THSD7A: variants seen among roughly 807,000 people sequenced by gnomAD.
THSD7A encodes the protein thrombospondin type 1 domain containing 7A, also known as thrombospondin type-1 domain-containing protein 7A.
Under a neutral mutation model 231.3 loss-of-function variants are expected in THSD7A, and 96 were observed. The observed-to-expected ratio is 0.41, with a 90% confidence interval of 0.35 to 0.49. The LOEUF is 0.49. Ranked by LOEUF, THSD7A falls within the 20% of genes least tolerant of loss-of-function variation. The probability of loss-of-function intolerance (pLI) is 0.05; values close to 1 mark genes in which losing one functional copy is unlikely to be tolerated. For missense variants in THSD7A, 2,290 were observed against 2,070.2 expected, an observed-to-expected ratio of 1.11 and a Z score of -2.06; for synonymous variants, 940 against 743.3, an observed-to-expected ratio of 1.26 and a Z score of -4.30.
chr7:11,453,805 G>A (rs1785219766), intron 11 of THSD7A, among the ~76,000 whole-genome samples: 1 of 152,024 alleles, frequency 6.6e-6, no homozygotes, highest in African/African-American at 2.4e-5. Context: ...CATTGAAGAA[G>A]TAGTTATTGA....
intron 1 of THSD7A, among the ~76,000 whole-genome samples, chr7:11,768,208 T>C (rs1278290259): frequency 6.6e-6 from 1 of 152,166 alleles, no homozygotes; most frequent in East Asian, 1.9e-4. Flanking sequence ...TTATTTTCCT[T>C]CTAAACTCAT....
At chr7:11,730,120 G>T (rs1457764165) in intron 1 of THSD7A, among the ~76,000 whole-genome samples, 2 of 151,566 alleles carry the variant, frequency 1.3e-5, no homozygotes, top group African/African-American at 4.8e-5. Flanking sequence ...TACCTGTTTT[G>T]TTGTGAAATT....
intron 1 of THSD7A, among the ~76,000 whole-genome samples, chr7:11,804,654 TCTATTCCTAG>T (rs1333833041): frequency 1.3e-5 from 2 of 152,210 alleles, no homozygotes; most frequent in African/African-American, 2.4e-5. Flanking sequence ...CATGTGACTT[TCTATTCCTAG>T]CTAATGATTA....
Position 11,407,321 on chromosome 7 carries a change from T to G in THSD7A, c.3901A>C (p.Thr1301Pro), listed in dbSNP as rs138206332. ...ACAAACAAACCTGTGAGGCCACATG[T>G]TTGAGAACATTCTGACCAAGGAGAC... ...DWSPWSECSQ[T>P]CGLTGKMIRR... Residue 1301 changes from threonine to proline, a missense_variant, in exon 20 of 28, where the codon ACA (threonine) becomes CCA (proline). Physicochemically the swap from Thr to Pro is conservative, Grantham distance 38 (BLOSUM62 -1). Coordinates refer to ENST00000423059, the MANE Select transcript of THSD7A (RefSeq NM_015204.3). 1 of 1,613,176 alleles carries G rather than the reference T, an allele frequency of 6.2e-7. No individual in the cohort carries two copies.
intron 6 of THSD7A, among the ~76,000 whole-genome samples, chr7:11,537,142 C>G (rs1788946443): frequency 6.6e-6 from 1 of 152,110 alleles, no homozygotes; most frequent in African/African-American, 2.4e-5. Context: ...AGAAGTATGA[C>G]AAGAACTACT....
intron 1 of THSD7A, among the ~76,000 whole-genome samples, chr7:11,639,753 A>G (rs574044468): frequency 2.6e-5 from 4 of 152,300 alleles, no homozygotes; most frequent in African/African-American, 9.6e-5. Context: ...AAATCTGAGT[A>G]CACAAAATGT....
At chr7:11,711,206 C>G (rs1165765059) in intron 1 of THSD7A, among the ~76,000 whole-genome samples, 2 of 150,838 alleles carry the variant, frequency 1.3e-5, no homozygotes, top group Non-Finnish European at 3.0e-5. Flanking sequence ...GGAACTGATA[C>G]TTTTGTGCCA....
intron 4 of THSD7A, among the ~76,000 whole-genome samples, chr7:11,560,494 T>C (rs1233756365): frequency 1.3e-5 from 2 of 152,170 alleles, no homozygotes; most frequent in African/African-American, 4.8e-5. Flanking sequence ...AAATATCAAA[T>C]CTTTCCTTCT....
chr7:11,622,509 A>G (rs758367247), intron 2 of THSD7A, among the ~76,000 whole-genome samples: 1 of 152,150 alleles, frequency 6.6e-6, no homozygotes, highest in Non-Finnish European at 1.5e-5. Flanking sequence ...AATAAGTTGT[A>G]AAGTTCTGAC....
chr7:11,652,986 T>C (rs1180770898), intron 1 of THSD7A, among the ~76,000 whole-genome samples: 1 of 151,934 alleles, frequency 6.6e-6, no homozygotes, highest in Non-Finnish European at 1.5e-5. Flanking sequence ...AATTGAGGAA[T>C]AGCTTAATTT....
At chr7:11,820,923 C>A in intron 1 of THSD7A, 1 of 942,212 alleles carries the variant, frequency 1.1e-6, no homozygotes, top group Non-Finnish European at 1.7e-6. Flanking sequence ...AGATTTACCT[C>A]GCTGAAGATC....
chr7:11,675,811 T>C (rs1458489117), intron 1 of THSD7A, among the ~76,000 whole-genome samples: 2 of 152,140 alleles, frequency 1.3e-5, no homozygotes, highest in Non-Finnish European at 2.9e-5. Flanking sequence ...ACAGAGCAAC[T>C]GAGGTAAGGG....
At chr7:11,506,240 C>T (rs1460547521) in intron 6 of THSD7A, among the ~76,000 whole-genome samples, 2 of 152,168 alleles carry the variant, frequency 1.3e-5, no homozygotes, top group Non-Finnish European at 2.9e-5. Context: ...ATCCACCTGC[C>T]TCAACCTCCT....
chr7:11,557,179 T>C (rs1248813528), intron 4 of THSD7A, among the ~76,000 whole-genome samples: 1 of 152,018 alleles, frequency 6.6e-6, no homozygotes, highest in Non-Finnish European at 1.5e-5. Context: ...TTTTCTGTGT[T>C]GTTCGGATTA....
chr7:11,739,729 A>T (rs189687016), intron 1 of THSD7A, among the ~76,000 whole-genome samples: 33 of 151,924 alleles, frequency 2.2e-4, no homozygotes, highest in African/African-American at 8.0e-4. Flanking sequence ...CCTCATCATC[A>T]TCTCTTGCCT....
chr7:11,769,154 T>TATATCTATATA lies in THSD7A; in HGVS notation c.190+62602_190+62603insTATATAGATAT, dbSNP rs1554275711. Among the ~76,000 whole-genome samples the TATATCTATATA allele has an allele frequency of 1.4e-3, 41 of 29,392 alleles. 1 individual carries two copies. The East Asian group carries it at 0.022, about 16-fold the overall frequency. The allele number at this position is 29,392 out of a possible 152,430, so 19.3% of individuals were successfully genotyped here. A position where few individuals can be genotyped will look rare whatever the true frequency, so the allele number is the denominator to read the frequency against. Reference sequence around the variant, plus strand: ...ATATATATATATATATATATATATATTTTTTTTTTTTTTTGGTATTTTTGT... The same window carrying TATATCTATATA: ...ATATATATATATATATATATATATATATATCTATATATTTTTTTTTTTTTTGGTATTTTTGT... On this transcript the variant is annotated intron_variant, in intron 1 of 27. Coordinates refer to ENST00000423059, the MANE Select transcript of THSD7A (RefSeq NM_015204.3).
rs927401223 is a variant in THSD7A, at chr7:11,371,285, C to T, written c.*4509G>A. 1.3e-5 allele frequency: 2 copies of T among 152,170 alleles called. No individual in the cohort carries two copies. The highest frequency in any genetic ancestry group is 2.4e-5 in the African/African-American group (1 of 41,434). 9.4% of individuals were successfully genotyped at this position (152,170 alleles called of 1,614,324 possible). On this transcript the variant is annotated 3_prime_UTR_variant, in exon 28 of 28. Transcript: ENST00000423059. ...ATAACTATTTGCTTGGCTCACACACCAGTTTCTGATACCTGAAATCCTGTC... is the reference window on the plus strand; with the variant it reads ...ATAACTATTTGCTTGGCTCACACACTAGTTTCTGATACCTGAAATCCTGTC...
At chr7:11,419,071 A>C (rs934112958) in intron 16 of THSD7A, among the ~76,000 whole-genome samples, 2 of 152,190 alleles carry the variant, frequency 1.3e-5, no homozygotes, top group Non-Finnish European at 2.9e-5. Flanking sequence ...CTAAGAATAT[A>C]TTACATTTGA....
chr7:11,455,063 C>G (rs1196572814), intron 11 of THSD7A, among the ~76,000 whole-genome samples: 1 of 151,970 alleles, frequency 6.6e-6, no homozygotes, highest in Non-Finnish European at 1.5e-5. Flanking sequence ...TAATGCCCTT[C>G]TCAGATGAGA....
Sources: allele counts gnomAD v4.1 joint callset (sites outside exome capture counted in the v4.1 genomes callset), GRCh38; gene constraint gnomAD v4.1.1; transcripts MANE v1.5; gene names NCBI Gene and HGNC (gene_info 2026-07-23, HGNC 2026-07-21).